MAST4: variants seen among roughly 807,000 people sequenced by gnomAD.
The protein encoded by MAST4 is microtubule associated serine/threonine kinase family member 4, also known as microtubule-associated serine/threonine-protein kinase 4.
In MAST4, 89 loss-of-function variants were observed where a neutral mutation model predicts 162.7. The ratio of observed to expected loss-of-function variants is 0.55; its 90% confidence interval spans 0.46 to 0.65. The LOEUF (loss-of-function observed/expected upper bound fraction) is 0.65, where lower values mean the gene tolerates loss of function less well. Ranked by LOEUF, MAST4 falls within the 30% of genes least tolerant of loss-of-function variation. The probability of loss-of-function intolerance (pLI) is 0.00; values close to 1 mark genes in which losing one functional copy is unlikely to be tolerated. For synonymous variants in MAST4, 1,479 were observed against 1,361.1 expected, an observed-to-expected ratio of 1.09 and a Z score of -1.91; for missense variants, 3,153 against 3,374.0, an observed-to-expected ratio of 0.93 and a Z score of 1.62.
chr5:66,774,995 CTGTG>C (rs33936607), intron 2 of MAST4, among the ~76,000 whole-genome samples: 32,954 of 141,884 alleles, frequency 0.23, 3,725 homozygotes, highest in Non-Finnish European at 0.28. Context: ...TATCCTTTTC[CTGTG>C]TGTGTGTGTG....
At chr5:66,858,142 A>G (rs748444496) in intron 3 of MAST4, among the ~76,000 whole-genome samples, 1 of 151,736 alleles carries the variant, frequency 6.6e-6, no homozygotes, top group African/African-American at 2.4e-5. Context: ...TTTTTTACAT[A>G]TTGTAAATAC....
chr5:67,134,161 ACT>A (rs929342824), intron 17 of MAST4, among the ~76,000 whole-genome samples: 9 of 151,820 alleles, frequency 5.9e-5, no homozygotes, highest in African/African-American at 1.7e-4. Context: ...AGATACTAAA[ACT>A]CTCTCTGACA....
Position 67,164,170 on chromosome 5 carries a change from C to A in MAST4, c.4991C>A (p.Thr1664Lys). Residue 1664 changes from threonine (T) to lysine (K), a missense_variant, in exon 29 of 29, where the codon ACG becomes AAG. Physicochemically the swap from Thr to Lys is moderately conservative, Grantham distance 78. This residue lies in a region of MAST4 where 1,644 missense variants were observed against 1,495.0 expected (regional missense o/e 1.10). Coordinates refer to ENST00000403625, the MANE Select transcript of MAST4 (RefSeq NM_001164664.2). This position sits in a 1 kb window ranked among gnomAD's most constrained non-coding sequence, Gnocchi z 5.3. ...DRGISGKGEG[T>K]EKSSQAKELL... Reference sequence around the variant, plus strand: ...GGCATCTCTGGGAAGGGGGAAGGCACGGAGAAGTCCTCCCAGGCCAAGGAG... The same window carrying A: ...GGCATCTCTGGGAAGGGGGAAGGCAAGGAGAAGTCCTCCCAGGCCAAGGAG... 6.2e-7 allele frequency: 1 copy of A among 1,610,344 alleles called. No individual in the cohort carries two copies. The highest frequency in any genetic ancestry group is 1.1e-5 in the South Asian group (1 of 90,234).
chr5:67,048,984 T>C (rs1757710911), intron 4 of MAST4, among the ~76,000 whole-genome samples: 1 of 116,366 alleles, frequency 8.6e-6, no homozygotes. Flanking sequence ...TATATATATA[T>C]ATGTATATAT....
At chr5:67,049,867 A>G (rs1757956359) in intron 4 of MAST4, among the ~76,000 whole-genome samples, 1 of 152,200 alleles carries the variant, frequency 6.6e-6, no homozygotes, top group African/African-American at 2.4e-5. Context: ...GTAATTGGAA[A>G]AGGCCACAGC....
chr5:66,680,166 A>C (rs1748235020), intron 1 of MAST4, among the ~76,000 whole-genome samples: 1 of 152,102 alleles, frequency 6.6e-6, no homozygotes, highest in Admixed American at 6.5e-5. Flanking sequence ...CTGAGAATAC[A>C]CTTTGTTCTG....
intron 5 of MAST4, among the ~76,000 whole-genome samples, chr5:67,063,384 C>T (rs1759862052): frequency 6.6e-6 from 1 of 152,172 alleles, no homozygotes; most frequent in African/African-American, 2.4e-5. Context: ...TCCATCTGCC[C>T]TGTGCCCTTC....
chr5:66,925,804 A>C (rs569384570), intron 4 of MAST4, among the ~76,000 whole-genome samples: 1 of 152,146 alleles, frequency 6.6e-6, no homozygotes, highest in African/African-American at 2.4e-5. Context: ...TAGCACTCTC[A>C]TTGACTAACC....
intron 15 of MAST4, 139 bp downstream of exon 15, chr5:67,130,557 C>A: frequency 1.3e-6 from 1 of 758,800 alleles, no homozygotes; most frequent in Non-Finnish European, 2.1e-6. Flanking sequence ...GCTGTATTCC[C>A]AGTCATTATC....
rs117597390 is a variant in MAST4, at chr5:66,621,541, A to G, written c.363+24523A>G. Among the ~76,000 whole-genome samples, 802 of 152,326 alleles carry G rather than the reference A, an allele frequency of 5.3e-3. 17 individuals are homozygous for G. Among genetic ancestry groups the G allele is most frequent in the East Asian group, 0.041 (214 of 5,184 alleles). ...TATTTACTTGAGTGGTGGTTACAAG[A>G]GTATTCTATATTTATTTATTACACT... is the stretch of plus-strand genomic sequence containing the variant. On this transcript the variant is annotated intron_variant, in intron 1 of 28. Coordinates refer to ENST00000403625, the MANE Select transcript of MAST4 (RefSeq NM_001164664.2).
chr5:67,089,949 C>T (rs1287890125), intron 5 of MAST4, among the ~76,000 whole-genome samples: 3 of 152,170 alleles, frequency 2.0e-5, no homozygotes, highest in Non-Finnish European at 4.4e-5. Flanking sequence ...GTCTTGCACA[C>T]TTAGAAAGCT....
chr5:67,140,046 A>T (rs1307409427), intron 19 of MAST4, among the ~76,000 whole-genome samples: 2 of 152,238 alleles, frequency 1.3e-5, no homozygotes, highest in Non-Finnish European at 2.9e-5. Flanking sequence ...CACTGGCTGC[A>T]GTCTGGTTGA....
intron 3 of MAST4, among the ~76,000 whole-genome samples, chr5:66,867,170 A>AT (rs566536920): frequency 4.3e-4 from 66 of 152,080 alleles, no homozygotes; most frequent in Non-Finnish European, 7.2e-4. Context: ...CTAATGACAG[A>AT]TTTTTTTTAA....
chr5:67,164,766 A>G lies in MAST4; in HGVS notation c.5587A>G (p.Ser1863Gly), dbSNP rs1349679392. The change falls in exon 29 of 29, where the codon AGC becomes GGC. Residue 1863 changes from serine to glycine, a missense_variant. Ser to Gly is a moderately conservative substitution (Grantham distance 56). Coordinates refer to ENST00000403625, the MANE Select transcript of MAST4 (RefSeq NM_001164664.2). This position sits in a 1 kb window ranked among gnomAD's most constrained non-coding sequence, Gnocchi z 5.3. The stretch of plus-strand genomic sequence containing the variant: ...CAGTGCAAGAGAGCTTTCTCCTTCC[A>G]GCTTAAAGATGAATAAATCCTACCT... ...TTSARELSPS[S>G]LKMNKSYLLE... The G allele has an allele frequency of 6.2e-7, 1 of 1,613,980 alleles. No individual in the cohort carries two copies.
chr5:66,869,770 C>T (rs74318100), intron 3 of MAST4, among the ~76,000 whole-genome samples: 6,016 of 152,256 alleles, frequency 0.04, 200 homozygotes, highest in East Asian at 0.12. Context: ...GAGATCTGAG[C>T]AAATGCTAGC....
chr5:67,004,429 T>C (rs917449632), intron 4 of MAST4, among the ~76,000 whole-genome samples: 1 of 152,250 alleles, frequency 6.6e-6, no homozygotes, highest in South Asian at 2.1e-4. Context: ...TTCCGCTTTT[T>C]TCAGGAGGGG....
In MAST4 at chr5:66,894,145, T is replaced by C. The variant is rs558228427; in HGVS notation, c.643-5806T>C. On this transcript the variant is annotated intron_variant, in intron 3 of 28. Transcript: ENST00000403625. ...TAATGACAGCCTAGAAAATTAATAT[T>C]CCCTAAAGAGGAAAACAATCCAAAG... Among the ~76,000 whole-genome samples, 4 of 152,278 alleles carry C rather than the reference T, an allele frequency of 2.6e-5. 1 individual carries two copies. The highest frequency in any genetic ancestry group is 9.6e-5 in the African/African-American group (4 of 41,560).
At chr5:67,149,619 G>A in intron 24 of MAST4, 30 bp downstream of exon 24, 1 of 1,602,922 alleles carries the variant, frequency 6.2e-7, no homozygotes, top group Non-Finnish European at 8.5e-7. Context: ...ATGAAATTGT[G>A]TGATTTGTGC....
intron 1 of MAST4, among the ~76,000 whole-genome samples, chr5:66,687,658 ATCTATCTATC>A (rs1444847635): frequency 2.0e-5 from 3 of 148,570 alleles, no homozygotes; most frequent in Non-Finnish European, 4.4e-5. Flanking sequence ...CTATCTATCT[ATCTATCTATC>A]TATCTATCTA....
Sources: gnomAD v4.1 joint callset for allele counts (sites outside exome capture counted in the v4.1 genomes callset) on GRCh38, gnomAD v4.1.1 for gene constraint, gnomAD v4.1.1 regional missense constraint, Gnocchi (gnomAD v3.1) non-coding constraint, MANE v1.5 for transcripts, NCBI Gene and HGNC (gene_info 2026-07-23, HGNC 2026-07-21) for gene names.